Variants in NELL1 observed in about 807,000 individuals in gnomAD.
NELL1 encodes the protein protein kinase C-binding protein NELL1.
NELL1 carries 76 observed loss-of-function variants against 107.4 expected under a neutral mutation model. The observed-to-expected ratio is 0.71, with a 90% CI of 0.59 to 0.86. NELL1 has a LOEUF of 0.86. Among genes scored for constraint, NELL1 ranks in the 40% least tolerant of loss-of-function variants. The pLI, the probability that NELL1 is intolerant of heterozygous loss-of-function variation, is 0.00. For missense variants in NELL1, 1,024 were observed against 1,005.5 expected (o/e 1.02, Z -0.25); for synonymous variants, 353 against 341.2 (o/e 1.03, Z -0.38).
intron 13 of NELL1, among the ~76,000 whole-genome samples, chr11:21,210,696 GA>G (rs1288093393): frequency 6.6e-6 from 1 of 152,102 alleles, no homozygotes; most frequent in African/African-American, 2.4e-5. Context: ...TTTTGCAAAA[GA>G]AATGCCTTGC....
chr11:20,708,922 A>G (rs1855042927), intron 2 of NELL1, among the ~76,000 whole-genome samples: 1 of 152,008 alleles, frequency 6.6e-6, no homozygotes, highest in African/African-American at 2.4e-5. Flanking sequence ...TTCACCTCAG[A>G]TCATCAGGCA....
At chr11:20,686,835 T>C (rs1854316708) in intron 2 of NELL1, among the ~76,000 whole-genome samples, 1 of 152,050 alleles carries the variant, frequency 6.6e-6, no homozygotes, top group African/African-American at 2.4e-5. Flanking sequence ...TGACCAAAAC[T>C]CTAGGCATTG....
intron 14 of NELL1, among the ~76,000 whole-genome samples, chr11:21,341,668 C>T (rs1488034019): frequency 6.6e-6 from 1 of 152,130 alleles, no homozygotes; most frequent in Non-Finnish European, 1.5e-5. Flanking sequence ...TATCAAAAGG[C>T]GTTTATTAAC....
intron 15 of NELL1, among the ~76,000 whole-genome samples, chr11:21,520,665 G>A (rs1369189309): frequency 6.6e-6 from 1 of 152,204 alleles, no homozygotes; most frequent in African/African-American, 2.4e-5. Context: ...AGGTAAGCAG[G>A]GTTAAGGTGT....
intron 12 of NELL1, among the ~76,000 whole-genome samples, chr11:21,048,132 A>ATT (rs5790155): frequency 0.12 from 17,603 of 151,020 alleles, 1,175 homozygotes; most frequent in East Asian, 0.24. Flanking sequence ...GGAAACATCC[A>ATT]TTTTTTTTTC....
intron 13 of NELL1, among the ~76,000 whole-genome samples, chr11:21,182,360 G>A (rs1042886773): frequency 1.3e-5 from 2 of 151,398 alleles, no homozygotes; most frequent in Admixed American, 6.6e-5. Flanking sequence ...ACTTGATCCT[G>A]GGAGGTGGAG....
At chr11:20,708,556 T>G (rs1564872935) in intron 2 of NELL1, among the ~76,000 whole-genome samples, 1 of 152,196 alleles carries the variant, frequency 6.6e-6, no homozygotes. Flanking sequence ...CTTTGCTTAC[T>G]TTTTGATGGT....
intron 14 of NELL1, among the ~76,000 whole-genome samples, chr11:21,317,043 C>T (rs996787420): frequency 9.9e-5 from 15 of 151,946 alleles, no homozygotes; most frequent in Admixed American, 2.6e-4. Flanking sequence ...CTAATGTAAA[C>T]ATTTTATTGT....
At chr11:21,082,746 C>T (rs1854299420) in intron 12 of NELL1, among the ~76,000 whole-genome samples, 1 of 152,192 alleles carries the variant, frequency 6.6e-6, no homozygotes, top group Non-Finnish European at 1.5e-5. Context: ...ATTTTTCCTA[C>T]ACAAGCTCTA....
rs1855439192 is a variant in NELL1 at position 21,124,285 on chromosome 11, A to G, written c.1426+10571A>G. ...AGTCTCCTAAATGTTACCTCAGTAA[A>G]TTAAAAAAATATATATTTATGACCT... is the stretch of plus-strand genomic sequence containing the variant. On this transcript the variant is annotated intron_variant, in intron 13 of 19. Coordinates refer to ENST00000357134, the MANE Select transcript of NELL1 (RefSeq NM_006157.5). Among the ~76,000 whole-genome samples the G allele has an allele frequency of 2.6e-5, 4 of 152,154 alleles. No individual in the cohort carries two copies. The South Asian group carries it at 8.3e-4, about 31-fold the overall frequency.
In NELL1 at chr11:20,805,593, C is replaced by T. The variant is rs552898721; in HGVS notation, c.335+21763C>T. On this transcript the variant is annotated intron_variant, in intron 3 of 19. Coordinates refer to ENST00000357134, the MANE Select transcript of NELL1 (RefSeq NM_006157.5). ...GGGGTGCAGTGGTGAGATCTTGGCT[C>T]GCTGCAGGCTCCGCCTCCCAGGTTC... Among the ~76,000 whole-genome samples, 22 of 152,284 alleles carry T rather than the reference C, an allele frequency of 1.4e-4. 1 individual carries two copies. Among genetic ancestry groups the T allele is most frequent in the South Asian group, 1.0e-3 (5 of 4,826 alleles).
intron 4 of NELL1, among the ~76,000 whole-genome samples, chr11:20,849,606 A>C (rs1419207097): frequency 2.0e-5 from 3 of 152,144 alleles, no homozygotes; most frequent in African/African-American, 7.2e-5. Flanking sequence ...TGTTTTCTTA[A>C]TATTTTTCAT....
chr11:21,151,045 A>T (rs980984476), intron 13 of NELL1, among the ~76,000 whole-genome samples: 3 of 152,098 alleles, frequency 2.0e-5, no homozygotes, highest in Non-Finnish European at 4.4e-5. Flanking sequence ...AGCAAGGGGA[A>T]ATCCACCCCT....
intron 12 of NELL1, among the ~76,000 whole-genome samples, chr11:21,020,971 T>C (rs1368136311): frequency 6.7e-6 from 1 of 150,128 alleles, no homozygotes; most frequent in African/African-American, 2.5e-5. Flanking sequence ...AAATCCTTCC[T>C]GGTAAGGAGG....
At chr11:21,523,330 T>C (rs1210879623) in intron 15 of NELL1, among the ~76,000 whole-genome samples, 1 of 152,188 alleles carries the variant, frequency 6.6e-6, no homozygotes, top group East Asian at 1.9e-4. Flanking sequence ...TGCCTTTAAG[T>C]GTTTAATAAA....
chr11:21,426,709 G>A (rs12277614), intron 15 of NELL1, among the ~76,000 whole-genome samples: 10,955 of 152,102 alleles, frequency 0.072, 534 homozygotes, highest in Non-Finnish European at 0.1. Flanking sequence ...ACATCAATAG[G>A]GTGTGTATCA....
chr11:20,712,752 G>C (rs1468437805), intron 2 of NELL1, among the ~76,000 whole-genome samples: 1 of 152,134 alleles, frequency 6.6e-6, no homozygotes, highest in Non-Finnish European at 1.5e-5. Context: ...TGCTCTTCGG[G>C]TTTTAGCCAT....
In NELL1 at chr11:21,157,856, C is replaced by T. The variant is rs548253684; in HGVS notation, c.1426+44142C>T. 2.6e-3 allele frequency among the ~76,000 whole-genome samples: 392 copies of T among 152,234 alleles called. 2 individuals are homozygous for T. The highest frequency in any genetic ancestry group is 9.2e-3 in the African/African-American group (380 of 41,522). On this transcript the variant is annotated intron_variant, in intron 13 of 19. Coordinates refer to ENST00000357134, the MANE Select transcript of NELL1 (RefSeq NM_006157.5). Reference sequence around the variant, plus strand: ...GCATAGTTGTAAAGATTGCATATAGCTTATATGAGTTGTATAATGGTTAAT... The same window carrying T: ...GCATAGTTGTAAAGATTGCATATAGTTTATATGAGTTGTATAATGGTTAAT...
chr11:21,402,287 A>G (rs957156474), intron 15 of NELL1, among the ~76,000 whole-genome samples: 1 of 151,790 alleles, frequency 6.6e-6, no homozygotes, highest in Non-Finnish European at 1.5e-5. Context: ...CCTTTTCCTC[A>G]CACTCTTCTC....
Sources: gnomAD v4.1 joint callset for allele counts (sites outside exome capture counted in the v4.1 genomes callset) on GRCh38, gnomAD v4.1.1 for gene constraint, MANE v1.5 for transcripts, NCBI Gene and HGNC (gene_info 2026-07-23, HGNC 2026-07-21) for gene names.